Variants in IL1RAPL1 observed in about 807,000 individuals in gnomAD.
The protein encoded by IL1RAPL1 is interleukin 1 receptor accessory protein like 1.
IL1RAPL1 carries 3 observed loss-of-function variants against 48.4 expected under a neutral mutation model. The ratio of observed to expected loss-of-function variants is 0.06; its 90% CI spans 0.03 to 0.16. The LOEUF is 0.16. Ranked by LOEUF, IL1RAPL1 falls within the 10% of genes least tolerant of loss-of-function variation. The pLI is 1.00. For missense variants in IL1RAPL1, 349 were observed against 530.6 expected (o/e 0.66, Z 3.36); for synonymous variants, 185 against 187.7 (o/e 0.99, Z 0.12).
chrX:29,569,133 A>G (rs1373833180), intron 5 of IL1RAPL1, among the ~76,000 whole-genome samples: 2 of 111,690 alleles, frequency 1.8e-5, no homozygotes, highest in African/African-American at 6.5e-5. Flanking sequence ...CCACTGAACT[A>G]GAAAATATAA....
intron 5 of IL1RAPL1, among the ~76,000 whole-genome samples, chrX:29,410,010 C>T (rs1365250442): frequency 1.8e-5 from 2 of 109,665 alleles, no homozygotes; most frequent in Admixed American, 9.6e-5. Flanking sequence ...TTAGTAGAGA[C>T]GGGTTTTCTC....
chrX:28,829,484 T>C (rs935170565), intron 2 of IL1RAPL1, among the ~76,000 whole-genome samples: 3 of 111,191 alleles, frequency 2.7e-5, no homozygotes, highest in Admixed American at 1.9e-4. Context: ...TTATCATAGA[T>C]GCCCTTTATC....
intron 6 of IL1RAPL1, among the ~76,000 whole-genome samples, chrX:29,909,342 G>T (rs1293977107): frequency 1.8e-5 from 2 of 111,255 alleles, no homozygotes; most frequent in African/African-American, 3.3e-5. Context: ...GAGGTGAGAG[G>T]ATTGCTTGAG....
At chrX:29,342,141 TGTGTGTGTGTGTG>T (rs1398751105) in intron 3 of IL1RAPL1, among the ~76,000 whole-genome samples, 5 of 100,106 alleles carry the variant, frequency 5.0e-5, no homozygotes, top group African/African-American at 2.1e-4. Flanking sequence ...TGTGTGTGTG[TGTGTGTGTGTGTG>T]TTTGTTTTGT....
At chrX:29,906,871 G>T (rs1428775580) in intron 6 of IL1RAPL1, among the ~76,000 whole-genome samples, 1 of 110,071 alleles carries the variant, frequency 9.1e-6, no homozygotes, top group Non-Finnish European at 1.9e-5. Context: ...ATCTGGTGGG[G>T]GGTGGAGGTA....
intron 2 of IL1RAPL1, among the ~76,000 whole-genome samples, chrX:29,158,225 G>A (rs1323103323): frequency 8.9e-6 from 1 of 111,751 alleles, no homozygotes; most frequent in Admixed American, 9.5e-5. Context: ...CTAACTACAG[G>A]AAAACATAGG....
At chrX:28,640,698 A>T (rs1357611296) in intron 1 of IL1RAPL1, among the ~76,000 whole-genome samples, 1 of 84,477 alleles carries the variant, frequency 1.2e-5, no homozygotes, top group African/African-American at 4.3e-5. Flanking sequence ...CATTTTAGTG[A>T]TGAAGAAACT....
intron 2 of IL1RAPL1, among the ~76,000 whole-genome samples, chrX:29,223,184 A>G (rs1931014980): frequency 8.9e-6 from 1 of 111,891 alleles, no homozygotes; most frequent in South Asian, 3.7e-4. Context: ...CCCTTGAGGT[A>G]ATGTCAGCAT....
intron 2 of IL1RAPL1, among the ~76,000 whole-genome samples, chrX:28,863,529 C>T (rs1311772693): frequency 2.8e-5 from 3 of 107,789 alleles, no homozygotes; most frequent in Non-Finnish European, 3.8e-5. Context: ...ATGTGAGATA[C>T]GTAGAGCCAT....
chrX:28,614,571 T>C (rs1030701538), intron 1 of IL1RAPL1, among the ~76,000 whole-genome samples: 5 of 111,552 alleles, frequency 4.5e-5, no homozygotes, highest in South Asian at 3.8e-4. Flanking sequence ...TGCAAGTGTG[T>C]TCTACAATAA....
intron 6 of IL1RAPL1, among the ~76,000 whole-genome samples, chrX:29,670,516 A>G (rs1926113401): frequency 1.8e-5 from 2 of 111,930 alleles, no homozygotes; most frequent in South Asian, 7.4e-4. Context: ...TACTAGTTAG[A>G]GAAATTCAAC....
intron 2 of IL1RAPL1, among the ~76,000 whole-genome samples, chrX:29,263,608 C>T (rs756439345): frequency 5.4e-5 from 6 of 111,739 alleles, no homozygotes; most frequent in South Asian, 3.8e-4. Flanking sequence ...CATAGGCTTA[C>T]GTTACTAGGA....
chrX:28,671,280 T>A (rs750104677), intron 1 of IL1RAPL1, among the ~76,000 whole-genome samples: 28 of 112,249 alleles, frequency 2.5e-4, no homozygotes, highest in Non-Finnish European at 5.3e-4. Context: ...AGCTAATGGA[T>A]CTGAGTACAT....
intron 2 of IL1RAPL1, among the ~76,000 whole-genome samples, chrX:29,214,080 C>T (rs946185872): frequency 1.8e-5 from 2 of 110,763 alleles, no homozygotes; most frequent in African/African-American, 6.6e-5. Flanking sequence ...ATGAATTACC[C>T]TCTGTGCACC....
chrX:29,770,494 A>G (rs1324935444), intron 6 of IL1RAPL1, among the ~76,000 whole-genome samples: 2 of 112,229 alleles, frequency 1.8e-5, no homozygotes, highest in Non-Finnish European at 3.8e-5. Context: ...AATGCTCGCT[A>G]TGTGCCAGAC....
At chrX:29,198,132 A>ATGAACCAC (rs1930481634) in intron 2 of IL1RAPL1, among the ~76,000 whole-genome samples, 1 of 111,586 alleles carries the variant, frequency 9.0e-6, no homozygotes, top group African/African-American at 3.3e-5. Flanking sequence ...ATAGAGATTT[A>ATGAACCAC]TGAACCACTC....
chrX:29,368,492 C>T (rs998715836), intron 3 of IL1RAPL1, among the ~76,000 whole-genome samples: 15 of 111,990 alleles, frequency 1.3e-4, no homozygotes, highest in African/African-American at 4.9e-4. Flanking sequence ...AGCAATCCTC[C>T]CACCTAAGGC....
At chrX:29,181,138 G>A (rs1930135813) in intron 2 of IL1RAPL1, among the ~76,000 whole-genome samples, 1 of 111,640 alleles carries the variant, frequency 9.0e-6, no homozygotes, top group Non-Finnish European at 1.9e-5. Flanking sequence ...TGACCTGGAG[G>A]AGTTTACCTG....
chrX:29,345,112 T>C (rs1013524475), intron 3 of IL1RAPL1, among the ~76,000 whole-genome samples: 3 of 112,773 alleles, frequency 2.7e-5, no homozygotes, highest in Admixed American at 9.4e-5. Context: ...GTTTCACCAT[T>C]ACAAATAATG....
Sources: gnomAD v4.1 joint callset for allele counts (sites outside exome capture counted in the v4.1 genomes callset) on GRCh38, gnomAD v4.1.1 for gene constraint, MANE v1.5 for transcripts, NCBI Gene and HGNC (gene_info 2026-07-23, HGNC 2026-07-21) for gene names.